Variants in ZFAND6 observed in about 807,000 individuals in gnomAD.
The protein encoded by ZFAND6 is zinc finger AN1-type containing 6.
In ZFAND6, 12 loss-of-function variants were observed where a neutral mutation model predicts 24.5. That is an observed-to-expected ratio of 0.49 (90% CI 0.31 to 0.79). The LOEUF (loss-of-function observed/expected upper bound fraction) is 0.79, where lower values mean the gene tolerates loss of function less well. ZFAND6 is among the 30% of genes least tolerant of loss of function. The pLI, the probability that ZFAND6 is intolerant of heterozygous loss-of-function variation, is 0.04. For synonymous variants in ZFAND6, 92 were observed against 81.5 expected (o/e 1.13, Z -0.69); for missense variants, 207 against 245.9 (o/e 0.84, Z 1.06).
At chr15:80,128,151 A>G (rs1268763725) in intron 5 of ZFAND6, among the ~76,000 whole-genome samples, 1 of 152,246 alleles carries the variant, frequency 6.6e-6, no homozygotes, top group Non-Finnish European at 1.5e-5. Flanking sequence ...CAGAAAGATT[A>G]GTGGTTGCCA....
At chr15:80,061,732 A>C (rs966042034) in intron 1 of ZFAND6, among the ~76,000 whole-genome samples, 33 of 152,262 alleles carry the variant, frequency 2.2e-4, no homozygotes, top group African/African-American at 7.7e-4. Context: ...GTTTTGTTAT[A>C]AGCAGTCTTG....
chr15:80,115,754 T>C (rs1203457689), intron 2 of ZFAND6, among the ~76,000 whole-genome samples: 1 of 152,212 alleles, frequency 6.6e-6, no homozygotes, highest in Non-Finnish European at 1.5e-5. Context: ...AAAATCATTG[T>C]TAATTTGATG....
intron 1 of ZFAND6, among the ~76,000 whole-genome samples, chr15:80,068,960 T>G (rs1423820181): frequency 6.6e-6 from 1 of 152,248 alleles, no homozygotes; most frequent in Non-Finnish European, 1.5e-5. Flanking sequence ...TCTGTTAACT[T>G]TTGAATGTTA....
intron 1 of ZFAND6, among the ~76,000 whole-genome samples, chr15:80,093,423 G>A (rs1019023734): frequency 1.3e-5 from 2 of 151,918 alleles, no homozygotes; most frequent in African/African-American, 4.8e-5. Flanking sequence ...CAAATAATCG[G>A]AAAACATGAA....
At position 80,098,504 on chromosome 15, in the gene ZFAND6, TGA is replaced by T. The variant is rs1157465852; in HGVS notation, c.-89_-88del. 1 of 152,208 alleles carries T rather than the reference TGA, an allele frequency of 6.6e-6. No homozygotes were observed. Among genetic ancestry groups the T allele is most frequent in the Non-Finnish European group, 1.5e-5 (1 of 68,028 alleles). 9.4% of individuals were successfully genotyped at this position (152,208 alleles called of 1,614,324 possible). ...TTCAAAACTTTTAAGTAGCTGCTTATGAGAATAGGGAAGGCAGAAAGCTAATG... is the reference window on the plus strand; with the variant it reads ...TTCAAAACTTTTAAGTAGCTGCTTATGAATAGGGAAGGCAGAAAGCTAATG... On this transcript the variant is annotated 5_prime_UTR_variant, in exon 2 of 7. It removes the in-frame stop codon of an upstream open reading frame in the 5' UTR. Coordinates refer to ENST00000261749, the MANE Select transcript of ZFAND6 (RefSeq NM_019006.4).
intron 5 of ZFAND6, chr15:80,130,977 C>G: frequency 2.4e-6 from 1 of 421,256 alleles, no homozygotes; most frequent in Non-Finnish European, 4.2e-6. Flanking sequence ...ATTACATATT[C>G]TAGATTATTT....
At chr15:80,064,897 G>T (rs2036530755) in intron 1 of ZFAND6, among the ~76,000 whole-genome samples, 1 of 151,772 alleles carries the variant, frequency 6.6e-6, no homozygotes, top group Non-Finnish European at 1.5e-5. Context: ...CTCCCTAAGT[G>T]CTGGGATTAC....
chr15:80,069,543 A>G (rs1008167159), intron 1 of ZFAND6, among the ~76,000 whole-genome samples: 5 of 152,150 alleles, frequency 3.3e-5, no homozygotes, highest in Admixed American at 3.3e-4. Flanking sequence ...CTTTTCCCTA[A>G]GGAGTCAGGA....
At chr15:80,112,698 AT>A (rs544399364) in intron 2 of ZFAND6, 106 of 447,684 alleles carry the variant, frequency 2.4e-4, no homozygotes, top group Admixed American at 2.1e-3. Flanking sequence ...ACCTGGCCAG[AT>A]TTTTTTTATC....
chr15:80,092,326 GAAA>G (rs373513444), intron 1 of ZFAND6, among the ~76,000 whole-genome samples: 9 of 103,568 alleles, frequency 8.7e-5, no homozygotes, highest in Admixed American at 1.1e-4. Flanking sequence ...ATCTCTACAG[GAAA>G]AAAAAAAAAA....
At chr15:80,101,614 A>G (rs1458134838) in intron 2 of ZFAND6, among the ~76,000 whole-genome samples, 1 of 152,026 alleles carries the variant, frequency 6.6e-6, no homozygotes. Flanking sequence ...TCACTAGGTA[A>G]TGTATTTGCA....
intron 3 of ZFAND6, chr15:80,120,837 CAAG>C (rs2040114919): frequency 6.4e-6 from 1 of 155,428 alleles, no homozygotes; most frequent in African/African-American, 2.4e-5. Flanking sequence ...ACTTACAGCT[CAAG>C]TAGTTGTTGA....
intron 1 of ZFAND6, among the ~76,000 whole-genome samples, chr15:80,085,805 A>T (rs2037960294): frequency 6.6e-6 from 1 of 152,144 alleles, no homozygotes; most frequent in African/African-American, 2.4e-5. Flanking sequence ...TGTGCCACAT[A>T]ATGACATGTT....
chr15:80,120,695 T>C, intron 3 of ZFAND6, 197 bp downstream of exon 3: 1 of 360,946 alleles, frequency 2.8e-6, no homozygotes. Flanking sequence ...TTGAAAATAC[T>C]GTAAATTCAT....
At chr15:80,095,830 T>TA (rs2038689460) in intron 1 of ZFAND6, among the ~76,000 whole-genome samples, 1 of 152,216 alleles carries the variant, frequency 6.6e-6, no homozygotes, top group South Asian at 2.1e-4. Flanking sequence ...GTCTTTTCGA[T>TA]AGGTTACTTG....
At chr15:80,121,604 A>T (rs1004839140) in intron 3 of ZFAND6, 108 bp from the exon 4 acceptor site, 1 of 766,986 alleles carries the variant, frequency 1.3e-6, no homozygotes, top group Non-Finnish European at 1.9e-6. Flanking sequence ...ATATTAAAAG[A>T]AAACCTCTAT....
chr15:80,109,064 G>A (rs1447171731), intron 2 of ZFAND6, among the ~76,000 whole-genome samples: 3 of 152,144 alleles, frequency 2.0e-5, no homozygotes, highest in East Asian at 1.9e-4. Flanking sequence ...ATAGTCATAG[G>A]TGGCACACCT....
Position 80,061,650 on chromosome 15 carries a change from C to T in ZFAND6, c.-181+1841C>T, listed in dbSNP as rs557028170. 4.1e-4 allele frequency among the ~76,000 whole-genome samples: 62 copies of T among 152,260 alleles called. 1 individual carries two copies. The East Asian group carries it at 0.011, about 26-fold the overall frequency. ...AATAGTATGTGGCTGTAGTTTATTT[C>T]ATTGCTTTATGATATGTTAATCTGC... On this transcript the variant is annotated intron_variant, in intron 1 of 6. Transcript: ENST00000261749.
intron 1 of ZFAND6, among the ~76,000 whole-genome samples, chr15:80,093,602 G>T (rs983553813): frequency 6.6e-6 from 1 of 152,162 alleles, no homozygotes; most frequent in Non-Finnish European, 1.5e-5. Context: ...GCGCATGCCT[G>T]TAATCCCAGC....
Sources: allele counts gnomAD v4.1 joint callset (sites outside exome capture counted in the v4.1 genomes callset), GRCh38; gene constraint gnomAD v4.1.1; transcripts MANE v1.5; gene names NCBI Gene and HGNC (gene_info 2026-07-23, HGNC 2026-07-21).